The following OPCML variants were observed in gnomAD, a reference collection of about 807,000 sequenced individuals.
OPCML encodes opioid-binding protein/cell adhesion molecule.
OPCML carries 13 observed loss-of-function variants against 37.8 expected under a neutral mutation model. The ratio of observed to expected loss-of-function variants is 0.34; its 90% CI spans 0.22 to 0.55. The LOEUF (loss-of-function observed/expected upper bound fraction) is 0.55. Ranked by LOEUF, OPCML falls within the 20% of genes least tolerant of loss-of-function variation. OPCML has a pLI of 0.91. For synonymous variants in OPCML, 176 were observed against 168.8 expected (o/e 1.04, Z -0.33); for missense variants, 341 against 435.6 (o/e 0.78, Z 1.93).
At chr11:132,467,288 A>G (rs771338258) in intron 4 of OPCML, among the ~76,000 whole-genome samples, 6 of 152,244 alleles carry the variant, frequency 3.9e-5, no homozygotes, top group Non-Finnish European at 5.9e-5. Flanking sequence ...TACAAAGGAA[A>G]GCAAGAGTTC....
chr11:133,121,289 A>G (rs1467833728), intron 1 of OPCML, among the ~76,000 whole-genome samples: 1 of 151,768 alleles, frequency 6.6e-6, no homozygotes, highest in Non-Finnish European at 1.5e-5. Context: ...ATAACTGCAC[A>G]GAGTCACTTC....
At chr11:133,288,539 A>T (rs1050330256) in intron 1 of OPCML, among the ~76,000 whole-genome samples, 4 of 152,178 alleles carry the variant, frequency 2.6e-5, no homozygotes, top group Non-Finnish European at 5.9e-5. Context: ...TTGCGGTGTA[A>T]GGCCACAGCT....
intron 1 of OPCML, among the ~76,000 whole-genome samples, chr11:133,343,727 A>G (rs1943930307): frequency 2.6e-5 from 4 of 152,316 alleles, no homozygotes; most frequent in Admixed American, 2.6e-4. Context: ...ATGGATACTT[A>G]AAATAAAATT....
chr11:133,367,766 T>C (rs949690059), intron 1 of OPCML, among the ~76,000 whole-genome samples: 1 of 152,198 alleles, frequency 6.6e-6, no homozygotes, highest in African/African-American at 2.4e-5. Context: ...TTCTGGCCCT[T>C]CTTCCACCAC....
intron 2 of OPCML, among the ~76,000 whole-genome samples, chr11:132,851,451 T>C (rs993394625): frequency 2.6e-5 from 4 of 152,146 alleles, no homozygotes; most frequent in African/African-American, 9.7e-5. Flanking sequence ...GGTGGTGCAG[T>C]GTGGACGAAC....
chr11:132,925,539 G>A (rs974444993), intron 2 of OPCML, among the ~76,000 whole-genome samples: 34 of 152,286 alleles, frequency 2.2e-4, no homozygotes, highest in Non-Finnish European at 3.1e-4. Flanking sequence ...TAAAACCCAC[G>A]AAAGTATGGG....
At chr11:133,391,289 C>T (rs554107612) in intron 1 of OPCML, among the ~76,000 whole-genome samples, 1 of 152,274 alleles carries the variant, frequency 6.6e-6, no homozygotes, top group Admixed American at 6.5e-5. Flanking sequence ...GGCATTGCTC[C>T]TCCAAGCCCA....
intron 1 of OPCML, among the ~76,000 whole-genome samples, chr11:133,030,001 G>C (rs1478268415): frequency 2.6e-5 from 4 of 152,132 alleles, no homozygotes; most frequent in Admixed American, 1.3e-4. Context: ...CTTAAGAGAT[G>C]GTAATTAGTG....
intron 3 of OPCML, among the ~76,000 whole-genome samples, chr11:132,610,219 T>A (rs1380572418): frequency 6.6e-6 from 1 of 152,154 alleles, no homozygotes; most frequent in African/African-American, 2.4e-5. Context: ...GCCCCTCCTC[T>A]CCATAATATA....
intron 2 of OPCML, among the ~76,000 whole-genome samples, chr11:132,899,513 G>A (rs552180570): frequency 3.9e-5 from 6 of 152,124 alleles, no homozygotes; most frequent in Non-Finnish European, 8.8e-5. Flanking sequence ...GTTTCACCAC[G>A]TTAGGTGGAA....
intron 2 of OPCML, among the ~76,000 whole-genome samples, chr11:132,936,346 C>T (rs1030213340): frequency 3.9e-5 from 6 of 152,196 alleles, no homozygotes; most frequent in Non-Finnish European, 7.3e-5. Context: ...GACTCTGACA[C>T]ATGATAACCA....
At chr11:132,445,206 A>G (rs1434998801) in intron 4 of OPCML, among the ~76,000 whole-genome samples, 1 of 152,198 alleles carries the variant, frequency 6.6e-6, no homozygotes, top group Admixed American at 6.5e-5. Context: ...CCAGTGGGGG[A>G]AGGAGTACAT....
At chr11:133,260,103 A>T (rs116880336) in intron 1 of OPCML, among the ~76,000 whole-genome samples, 2,423 of 152,074 alleles carry the variant, frequency 0.016, 33 homozygotes, top group Non-Finnish European at 0.027. Flanking sequence ...AAAATATAGT[A>T]GTGAGTCCTG....
chr11:132,516,907 C>T (rs1383386662), intron 4 of OPCML, among the ~76,000 whole-genome samples: 1 of 152,164 alleles, frequency 6.6e-6, no homozygotes, highest in Non-Finnish European at 1.5e-5. Context: ...TGTCGAACCT[C>T]TTCTGCTGCC....
At chr11:133,367,171 G>C (rs1352924825) in intron 1 of OPCML, among the ~76,000 whole-genome samples, 1 of 152,130 alleles carries the variant, frequency 6.6e-6, no homozygotes, top group East Asian at 1.9e-4. Flanking sequence ...TACAGAGAGG[G>C]TTTCACCATG....
At chr11:133,259,169 G>C (rs1355227090) in intron 1 of OPCML, among the ~76,000 whole-genome samples, 2 of 152,114 alleles carry the variant, frequency 1.3e-5, no homozygotes, top group Non-Finnish European at 2.9e-5. Flanking sequence ...GAAATGACTT[G>C]TTCACGGTTC....
At chr11:133,175,434 A>G (rs1950353058) in intron 1 of OPCML, among the ~76,000 whole-genome samples, 1 of 151,138 alleles carries the variant, frequency 6.6e-6, no homozygotes, top group East Asian at 2.0e-4. Flanking sequence ...AGATGTTTAT[A>G]CCTTACTTAC....
intron 1 of OPCML, among the ~76,000 whole-genome samples, chr11:133,400,738 G>A (rs2136837442): frequency 6.6e-6 from 1 of 152,286 alleles, no homozygotes; most frequent in African/African-American, 2.4e-5. Flanking sequence ...TCTGTTCAAT[G>A]CTCTTCCTCT....
chr11:133,458,674 T>G (rs1415974709), intron 1 of OPCML, among the ~76,000 whole-genome samples: 1 of 139,126 alleles, frequency 7.2e-6, no homozygotes, highest in Non-Finnish European at 1.5e-5. Context: ...TATATACACA[T>G]AGATGCACGT....
Sources: allele counts gnomAD v4.1 joint callset (sites outside exome capture counted in the v4.1 genomes callset), GRCh38; gene constraint gnomAD v4.1.1; transcripts MANE v1.5; gene names NCBI Gene and HGNC (gene_info 2026-07-23, HGNC 2026-07-21).